The following ANKRD36 variants were observed in gnomAD, a reference collection of about 807,000 sequenced individuals.
ANKRD36 encodes the protein ankyrin repeat domain-containing protein 36A.
Under a neutral mutation model 278.1 loss-of-function variants are expected in ANKRD36, and 179 were observed. That is an observed-to-expected ratio of 0.64 (90% CI 0.57 to 0.73). The LOEUF is 0.73. ANKRD36 is among the 30% of genes least tolerant of loss of function. The pLI, the probability that ANKRD36 is intolerant of heterozygous loss-of-function variation, is 0.00. For missense variants in ANKRD36, 1,159 were observed against 1,956.7 expected (o/e 0.59, Z 7.69); for synonymous variants, 320 against 641.1 (o/e 0.50, Z 7.57).
intron 40 of ANKRD36, 131 bp from the exon 41 acceptor site, chr2:97,196,462 C>A (rs1162359739): frequency 2.4e-5 from 37 of 1,513,014 alleles, no homozygotes; most frequent in Non-Finnish European, 3.1e-5. Context: ...TCCCCAGACA[C>A]AAAGTAGAAG....
chr2:97,132,322 C>T (rs1006612414), intron 6 of ANKRD36, among the ~76,000 whole-genome samples: 1 of 151,738 alleles, frequency 6.6e-6, no homozygotes, highest in Non-Finnish European at 1.5e-5. Context: ...TAAAAGAAAC[C>T]TTGGTGAGTT....
At chr2:97,200,409 A>G (rs773217320) in intron 45 of ANKRD36, 44 bp from the exon 46 acceptor site, 4 of 1,602,794 alleles carry the variant, frequency 2.5e-6, no homozygotes, top group Non-Finnish European at 2.5e-6. Flanking sequence ...CGTATAGCCT[A>G]TGAAACATAC....
chr2:97,115,192 T>A (rs1007624812), intron 1 of ANKRD36, among the ~76,000 whole-genome samples: 2 of 152,128 alleles, frequency 1.3e-5, no homozygotes, highest in Non-Finnish European at 2.9e-5. Context: ...TAGGAAAAGA[T>A]GAATTACTCA....
intron 6 of ANKRD36, among the ~76,000 whole-genome samples, chr2:97,137,552 G>T (rs1289470963): frequency 1.3e-5 from 2 of 151,070 alleles, no homozygotes; most frequent in Admixed American, 1.3e-4. Context: ...CTTCTGAGTA[G>T]CTGAGATTAC....
intron 15 of ANKRD36, among the ~76,000 whole-genome samples, chr2:97,156,809 A>C (rs2047574908): frequency 6.8e-6 from 1 of 147,076 alleles, no homozygotes; most frequent in Non-Finnish European, 1.5e-5. Flanking sequence ...GACTTCCACA[A>C]TGGTTGAACT....
At chr2:97,153,261 T>G (rs572061280) in intron 14 of ANKRD36, among the ~76,000 whole-genome samples, 17 of 152,192 alleles carry the variant, frequency 1.1e-4, no homozygotes, top group Non-Finnish European at 1.9e-4. Flanking sequence ...TGCTGAAGCT[T>G]TTTCTTATTT....
chr2:97,195,372 G>A (rs377070122), intron 40 of ANKRD36, among the ~76,000 whole-genome samples: 15 of 151,948 alleles, frequency 9.9e-5, no homozygotes, highest in African/African-American at 2.4e-4. Context: ...GAATGAAGAC[G>A]GATTGTGAGG....
intron 17 of ANKRD36, among the ~76,000 whole-genome samples, chr2:97,159,874 C>T (rs1267588932): frequency 2.6e-5 from 4 of 151,980 alleles, no homozygotes; most frequent in Admixed American, 2.0e-4. Context: ...CTCCACCTCC[C>T]GGGTTCACGC....
chr2:97,211,129 A>G (rs2064427757), intron 56 of ANKRD36, among the ~76,000 whole-genome samples: 1 of 151,864 alleles, frequency 6.6e-6, no homozygotes, highest in African/African-American at 2.4e-5. Context: ...AGCATGATGA[A>G]TGTTTGTACT....
intron 66 of ANKRD36, among the ~76,000 whole-genome samples, chr2:97,222,599 T>C (rs1335288361): frequency 6.6e-6 from 1 of 152,158 alleles, no homozygotes; most frequent in Non-Finnish European, 1.5e-5. Context: ...CACCTTTCCA[T>C]ATACCTGTTT....
At chr2:97,139,809 C>T (rs1358650728) in intron 6 of ANKRD36, among the ~76,000 whole-genome samples, 1 of 151,984 alleles carries the variant, frequency 6.6e-6, no homozygotes, top group African/African-American at 2.4e-5. Flanking sequence ...CAGAGAATGA[C>T]AGTAAGGAGA....
At chr2:97,133,990 C>T (rs1179870264) in intron 6 of ANKRD36, among the ~76,000 whole-genome samples, 1 of 151,828 alleles carries the variant, frequency 6.6e-6, no homozygotes, top group Non-Finnish European at 1.5e-5. Context: ...TTCTATAAAG[C>T]TGGACAAATG....
chr2:97,133,022 T>C (rs1196396980), intron 6 of ANKRD36, among the ~76,000 whole-genome samples: 4 of 152,082 alleles, frequency 2.6e-5, no homozygotes, highest in Non-Finnish European at 4.4e-5. Context: ...GTCAACCACA[T>C]TGTTTATGCA....
chr2:97,151,696 C>G (rs531661316), intron 12 of ANKRD36, among the ~76,000 whole-genome samples, 183 bp from the exon 13 acceptor site: 11 of 152,384 alleles, frequency 7.2e-5, no homozygotes, highest in African/African-American at 2.4e-4. Context: ...ATCTGTATCA[C>G]CAATCATAAC....
Position 97,227,108 on chromosome 2 carries a change from G to A in ANKRD36, c.3951+2229G>A, listed in dbSNP as rs376639655. Among the ~76,000 whole-genome samples the A allele has an allele frequency of 5.3e-5, 8 of 152,106 alleles. No individual in the cohort carries two copies. In the East Asian group the frequency reaches 9.8e-4, roughly 19 times the overall value. Reference sequence around the variant, plus strand: ...GGCTAAGGATTGACTTAGTGATGCGGGCTCTTTTTTGGTTCCATATGAACT... The same window carrying A: ...GGCTAAGGATTGACTTAGTGATGCGAGCTCTTTTTTGGTTCCATATGAACT... On this transcript the variant is annotated intron_variant, in intron 67 of 75. Transcript: ENST00000420699.
At chr2:97,141,365 T>C (rs1391678777) in intron 6 of ANKRD36, among the ~76,000 whole-genome samples, 2 of 141,606 alleles carry the variant, frequency 1.4e-5, no homozygotes, top group Admixed American at 1.5e-4. Flanking sequence ...ATGTATGTTT[T>C]TGCAAAAGTG....
intron 34 of ANKRD36, 131 bp downstream of exon 34, chr2:97,189,421 A>G: frequency 2.2e-6 from 1 of 453,828 alleles, no homozygotes; most frequent in Non-Finnish European, 4.4e-6. Context: ...CAGGCCTGAG[A>G]GTCTTCATTT....
In ANKRD36 at chr2:97,144,995, TTCTACA is replaced by T. The variant is rs1186092150; in HGVS notation, c.1003+284_1003+289del. On this transcript the variant is annotated intron_variant, in intron 10 of 75. Coordinates refer to ENST00000420699, the MANE Select transcript of ANKRD36 (RefSeq NM_001354587.1). ...AGGGGACAGCATAATTTTGCTTTAA[TTCTACA>T]GCATGTCTCCATGAAGAGGGGAAGG... is the stretch of plus-strand genomic sequence containing the variant. Among the ~76,000 whole-genome samples, 16 of 152,082 alleles carry T rather than the reference TTCTACA, an allele frequency of 1.1e-4. No individual in the cohort carries two copies. The South Asian group carries it at 3.3e-3, about 32-fold the overall frequency.
At chr2:97,260,645 C>A (rs1274610448) in intron 75 of ANKRD36, among the ~76,000 whole-genome samples, 1 of 114,180 alleles carries the variant, frequency 8.8e-6, no homozygotes, top group Non-Finnish European at 1.7e-5. Context: ...TTAGCCAGTA[C>A]ATAAAGAGTC....
Sources: allele counts gnomAD v4.1 joint callset (sites outside exome capture counted in the v4.1 genomes callset), GRCh38; gene constraint gnomAD v4.1.1; transcripts MANE v1.5; gene names NCBI Gene and HGNC (gene_info 2026-07-23, HGNC 2026-07-21).